SENP6: variants seen among roughly 807,000 people sequenced by gnomAD.
SENP6 encodes the protein SUMO specific peptidase 6.
SENP6 carries 41 observed loss-of-function variants against 134.5 expected under a neutral mutation model. The ratio of observed to expected loss-of-function variants is 0.30; its 90% CI spans 0.24 to 0.40. SENP6 has a LOEUF of 0.40. Among genes scored for constraint, SENP6 ranks in the 10% least tolerant of loss-of-function variants. SENP6 has a pLI of 1.00. For missense variants in SENP6, 1,248 were observed against 1,312.5 expected (o/e 0.95, Z 0.76); for synonymous variants, 395 against 429.8 (o/e 0.92, Z 1.00).
intron 3 of SENP6, among the ~76,000 whole-genome samples, chr6:75,627,513 C>T (rs1480363940): frequency 6.6e-6 from 1 of 152,082 alleles, no homozygotes; most frequent in African/African-American, 2.4e-5. Context: ...CCTGTAATCC[C>T]AGCACCTTGG....
At chr6:75,701,633 C>CTTTTTTTTTTTT (rs60715314) in intron 18 of SENP6, among the ~76,000 whole-genome samples, 1 of 80,114 alleles carries the variant, frequency 1.2e-5, no homozygotes, top group Non-Finnish European at 2.2e-5. Context: ...ACAGTTTAAT[C>CTTTTTTTTTTTT]TTTTTTTTTT....
chr6:75,620,833 TG>T (rs1019136320), intron 1 of SENP6: 4 of 152,210 alleles, frequency 2.6e-5, no homozygotes, highest in Non-Finnish European at 5.9e-5. Flanking sequence ...CATCTCATTT[TG>T]CTGGGGCCTT....
rs1766695476 is a variant in SENP6, at chr6:75,602,450, G to A, written c.-75G>A. ...CCTGCGGCGTCTACCCTCCTCCGGC[G>A]CGGCCCCTCATCCCGGCGAGCACGG... On this transcript the variant is annotated 5_prime_UTR_variant, in exon 1 of 24. Coordinates refer to ENST00000447266, the MANE Select transcript of SENP6 (RefSeq NM_015571.4). 2 of 1,515,722 alleles carry A rather than the reference G, an allele frequency of 1.3e-6. No individual in the cohort carries two copies. Among genetic ancestry groups the A allele is most frequent in the East Asian group, 2.5e-5 (1 of 40,714 alleles). 93.9% of individuals were successfully genotyped at this position (1,515,722 alleles called of 1,614,324 possible).
chr6:75,657,270 G>A (rs1771414300), intron 7 of SENP6, among the ~76,000 whole-genome samples: 1 of 152,072 alleles, frequency 6.6e-6, no homozygotes, highest in Non-Finnish European at 1.5e-5. Context: ...TTTATTTTCC[G>A]AATTCCAAAA....
At chr6:75,625,136 C>T (rs12525161) in intron 3 of SENP6, among the ~76,000 whole-genome samples, 42,400 of 115,426 alleles carry the variant, frequency 0.37, 7,870 homozygotes, top group Admixed American at 0.55. Flanking sequence ...TTTTTTCAGA[C>T]GGAGTCTGGC....
At chr6:75,640,892 A>G (rs1242339744) in intron 6 of SENP6, among the ~76,000 whole-genome samples, 188 bp downstream of exon 6, 2 of 152,230 alleles carry the variant, frequency 1.3e-5, no homozygotes, top group Non-Finnish European at 2.9e-5. Flanking sequence ...ATACAGGTAT[A>G]CAATGTGTAT....
intron 5 of SENP6, among the ~76,000 whole-genome samples, chr6:75,636,896 A>G (rs1205876075): frequency 7.5e-6 from 1 of 133,544 alleles, no homozygotes; most frequent in African/African-American, 2.7e-5. Flanking sequence ...TTTTTTAATT[A>G]TAGAGATAGG....
intron 18 of SENP6, among the ~76,000 whole-genome samples, chr6:75,700,300 AG>A (rs963025261): frequency 2.0e-5 from 3 of 152,206 alleles, no homozygotes; most frequent in African/African-American, 7.2e-5. Flanking sequence ...GCTTAATGGA[AG>A]TAATTGTTGG....
chr6:75,614,426 A>T (rs765387634), intron 1 of SENP6, among the ~76,000 whole-genome samples: 3 of 151,664 alleles, frequency 2.0e-5, no homozygotes, highest in Non-Finnish European at 2.9e-5. Flanking sequence ...CCACCACGCC[A>T]GGCAAATTTT....
intron 18 of SENP6, among the ~76,000 whole-genome samples, chr6:75,698,749 G>A (rs771492161): frequency 7.9e-5 from 12 of 152,220 alleles, no homozygotes; most frequent in African/African-American, 2.2e-4. Flanking sequence ...GGTGGCTCAC[G>A]CCTGTAATCC....
intron 1 of SENP6, among the ~76,000 whole-genome samples, chr6:75,610,367 G>A (rs1001938978): frequency 2.0e-5 from 3 of 152,116 alleles, no homozygotes; most frequent in African/African-American, 7.2e-5. Flanking sequence ...GCACACTTAA[G>A]TTGTATACCT....
intron 6 of SENP6, among the ~76,000 whole-genome samples, chr6:75,646,138 A>T (rs1770417854): frequency 6.6e-6 from 1 of 152,230 alleles, no homozygotes; most frequent in Non-Finnish European, 1.5e-5. Context: ...TATTCTCTTT[A>T]GTGTGAAAGT....
intron 16 of SENP6, among the ~76,000 whole-genome samples, chr6:75,682,992 CA>C (rs1773570986): frequency 6.6e-6 from 1 of 152,198 alleles, no homozygotes; most frequent in African/African-American, 2.4e-5. Flanking sequence ...CTGTCTTCCA[CA>C]ATGGTTAAAC....
At chr6:75,645,663 T>A (rs760435193) in intron 6 of SENP6, among the ~76,000 whole-genome samples, 5 of 152,176 alleles carry the variant, frequency 3.3e-5, no homozygotes, top group Non-Finnish European at 7.3e-5. Context: ...TTAGATCATC[T>A]AGCAAAAAGG....
intron 9 of SENP6, among the ~76,000 whole-genome samples, 175 bp from the exon 10 acceptor site, chr6:75,666,537 A>G (rs1772258894): frequency 6.6e-6 from 1 of 151,670 alleles, no homozygotes; most frequent in Admixed American, 6.6e-5. Context: ...TTTATCAGAT[A>G]GAGTGGATTG....
At chr6:75,681,796 A>G (rs1773484297) in intron 16 of SENP6, among the ~76,000 whole-genome samples, 1 of 152,192 alleles carries the variant, frequency 6.6e-6, no homozygotes, top group South Asian at 2.1e-4. Context: ...TTGGAGGCCA[A>G]GGTGGGAGGA....
intron 18 of SENP6, among the ~76,000 whole-genome samples, chr6:75,700,782 G>A (rs1032253968): frequency 5.9e-5 from 9 of 152,164 alleles, no homozygotes; most frequent in African/African-American, 1.4e-4. Flanking sequence ...GTGAGCCACC[G>A]TGCCCGGCAT....
intron 1 of SENP6, chr6:75,611,421 A>G (rs1200728191): frequency 6.6e-6 from 1 of 152,226 alleles, no homozygotes; most frequent in African/African-American, 2.4e-5. Context: ...TGCTTTCACC[A>G]TTTACAGGCT....
At chr6:75,660,425 T>G (rs1373129723) in intron 8 of SENP6, among the ~76,000 whole-genome samples, 2 of 152,192 alleles carry the variant, frequency 1.3e-5, no homozygotes, top group Non-Finnish European at 2.9e-5. Context: ...CATGTACATA[T>G]GAATACTTTA....
Sources: gnomAD v4.1 joint callset for allele counts (sites outside exome capture counted in the v4.1 genomes callset) on GRCh38, gnomAD v4.1.1 for gene constraint, MANE v1.5 for transcripts, NCBI Gene and HGNC (gene_info 2026-07-23, HGNC 2026-07-21) for gene names.